The following MALRD1 variants were observed in gnomAD, a reference collection of about 807,000 sequenced individuals.
The protein encoded by MALRD1 is MAM and LDL-receptor class A domain-containing protein 1.
A neutral mutation model predicts 242.1 loss-of-function variants in MALRD1; 247 were observed. The observed-to-expected ratio is 1.02, with a 90% CI of 0.92 to 1.13. The LOEUF (loss-of-function observed/expected upper bound fraction) is 1.13, where lower values mean the gene tolerates loss of function less well. Among genes scored for constraint, MALRD1 ranks in the 50% most tolerant of loss-of-function variants. The pLI, the probability that MALRD1 is intolerant of heterozygous loss-of-function variation, is 0.00. For missense variants in MALRD1, 2,989 were observed against 2,533.1 expected (o/e 1.18, Z -3.86); for synonymous variants, 995 against 866.6 (o/e 1.15, Z -2.60).
chr10:19,480,536 C>T (rs926121191), intron 29 of MALRD1, among the ~76,000 whole-genome samples: 5 of 152,102 alleles, frequency 3.3e-5, no homozygotes, highest in African/African-American at 9.7e-5. Context: ...AAGGCATTTT[C>T]GGCATATCAG....
intron 5 of MALRD1, among the ~76,000 whole-genome samples, chr10:19,121,637 A>G (rs1259369671): frequency 6.6e-6 from 1 of 152,180 alleles, no homozygotes; most frequent in East Asian, 1.9e-4. Flanking sequence ...GGAAATTGGC[A>G]GTATGATTCC....
At chr10:19,126,252 G>C (rs966202275) in intron 7 of MALRD1, among the ~76,000 whole-genome samples, 7 of 152,034 alleles carry the variant, frequency 4.6e-5, no homozygotes, top group Non-Finnish European at 7.4e-5. Context: ...TTAATGCTCA[G>C]AATGCACATA....
chr10:19,618,132 C>T (rs950848900), intron 36 of MALRD1, among the ~76,000 whole-genome samples: 1 of 151,990 alleles, frequency 6.6e-6, no homozygotes, highest in African/African-American at 2.4e-5. Context: ...CCTCTGGCTC[C>T]ATCCATGTTC....
chr10:19,722,472 C>G (rs1834805706), intron 38 of MALRD1: 1 of 151,308 alleles, frequency 6.6e-6, no homozygotes, highest in Non-Finnish European at 1.5e-5. Flanking sequence ...TTCCTGTAGT[C>G]CCAGCTAGTC....
chr10:19,566,801 TAA>T, intron 32 of MALRD1, among the ~76,000 whole-genome samples: 1 of 151,962 alleles, frequency 6.6e-6, no homozygotes, highest in Non-Finnish European at 1.5e-5. Flanking sequence ...TATAGAAATA[TAA>T]CTCTTTAATC....
chr10:19,658,892 A>G (rs2131727760), intron 36 of MALRD1, among the ~76,000 whole-genome samples: 1 of 152,344 alleles, frequency 6.6e-6, no homozygotes, highest in South Asian at 2.1e-4. Context: ...GAAGAATGCC[A>G]TTAAAAACAA....
At chr10:19,504,443 C>T (rs192349853) in intron 31 of MALRD1, among the ~76,000 whole-genome samples, 2 of 152,154 alleles carry the variant, frequency 1.3e-5, no homozygotes, top group East Asian at 1.9e-4. Flanking sequence ...CCTACTTCTA[C>T]TAATTCATTT....
chr10:19,210,784 A>G (rs1304640124), intron 18 of MALRD1, among the ~76,000 whole-genome samples: 2 of 152,224 alleles, frequency 1.3e-5, no homozygotes, highest in African/African-American at 4.8e-5. Flanking sequence ...AACCGAAAGC[A>G]TGAGAACGAA....
intron 38 of MALRD1, 197 bp from the exon 39 acceptor site, chr10:19,730,509 C>T: frequency 1.6e-6 from 1 of 640,252 alleles, no homozygotes; most frequent in Non-Finnish European, 2.8e-6. Flanking sequence ...CATTTGCTTT[C>T]CTGAATGTGG....
At chr10:19,433,464 C>A (rs965103323) in intron 28 of MALRD1, among the ~76,000 whole-genome samples, 1 of 152,158 alleles carries the variant, frequency 6.6e-6, no homozygotes, top group African/African-American at 2.4e-5. Flanking sequence ...CCTCTGAGCC[C>A]TTCTAACATG....
intron 24 of MALRD1, among the ~76,000 whole-genome samples, chr10:19,342,083 C>T (rs1843908086): frequency 6.6e-6 from 1 of 152,006 alleles, no homozygotes. Context: ...TTACTTTTTG[C>T]AGTAAGTTTA....
At chr10:19,388,778 T>G (rs1377254568) in intron 27 of MALRD1, among the ~76,000 whole-genome samples, 7 of 149,998 alleles carry the variant, frequency 4.7e-5, no homozygotes, top group Non-Finnish European at 8.8e-5. Flanking sequence ...TTTTCCTTGG[T>G]GAAGGAATAA....
At chr10:19,502,333 T>C (rs915639316) in intron 31 of MALRD1, among the ~76,000 whole-genome samples, 2 of 152,182 alleles carry the variant, frequency 1.3e-5, no homozygotes, top group African/African-American at 4.8e-5. Flanking sequence ...ATAAGCCTTA[T>C]GTATGTTCAT....
At chr10:19,113,183 G>A (rs1475006734) in intron 5 of MALRD1, among the ~76,000 whole-genome samples, 1 of 151,820 alleles carries the variant, frequency 6.6e-6, no homozygotes, top group Non-Finnish European at 1.5e-5. Flanking sequence ...CTATGGCCAG[G>A]TCTCCACTTC....
At chr10:19,726,318 A>G (rs1835022803) in intron 38 of MALRD1, among the ~76,000 whole-genome samples, 1 of 152,220 alleles carries the variant, frequency 6.6e-6, no homozygotes, top group Non-Finnish European at 1.5e-5. Context: ...AAAGAAGATT[A>G]CATATAGTTG....
At chr10:19,589,368 G>A (rs1045319061) in intron 33 of MALRD1, among the ~76,000 whole-genome samples, 2 of 152,162 alleles carry the variant, frequency 1.3e-5, no homozygotes, top group Non-Finnish European at 2.9e-5. Flanking sequence ...TTGGTGGCAT[G>A]CAAGTGAATG....
In MALRD1 at chr10:19,085,202, G is replaced by C. The variant is rs376701526; in HGVS notation, c.341-2638G>C. ...AAGGGGAGTGTTAAATGAGGGAATGGTCATGTGGAGAAAAGTTATGCTGTC... is the reference window on the plus strand; with the variant it reads ...AAGGGGAGTGTTAAATGAGGGAATGCTCATGTGGAGAAAAGTTATGCTGTC... On this transcript the variant is annotated intron_variant, in intron 2 of 39. Coordinates refer to ENST00000454679, the MANE Select transcript of MALRD1 (RefSeq NM_001142308.3). Among the ~76,000 whole-genome samples, 44 of 152,026 alleles carry C rather than the reference G, an allele frequency of 2.9e-4. No individual in the cohort carries two copies. The South Asian group carries it at 9.1e-3, about 31-fold the overall frequency.
At chr10:19,726,747 A>G (rs1362299751) in intron 38 of MALRD1, among the ~76,000 whole-genome samples, 1 of 152,218 alleles carries the variant, frequency 6.6e-6, no homozygotes, top group Non-Finnish European at 1.5e-5. Flanking sequence ...TATACATGCA[A>G]GGGAATATTA....
At chr10:19,172,438 AG>A (rs1564441968) in intron 13 of MALRD1, among the ~76,000 whole-genome samples, 1 of 151,828 alleles carries the variant, frequency 6.6e-6, no homozygotes, top group African/African-American at 2.4e-5. Flanking sequence ...AGCAAAATAT[AG>A]ATGACCTAAT....
Sources: gnomAD v4.1 joint callset for allele counts (sites outside exome capture counted in the v4.1 genomes callset) on GRCh38, gnomAD v4.1.1 for gene constraint, MANE v1.5 for transcripts, NCBI Gene and HGNC (gene_info 2026-07-23, HGNC 2026-07-21) for gene names.